The following ERCC6L2 variants were observed in gnomAD, a reference collection of about 807,000 sequenced individuals.
The protein encoded by ERCC6L2 is DNA excision repair protein ERCC-6-like 2.
Under a neutral mutation model 132.0 loss-of-function variants are expected in ERCC6L2, and 77 were observed. That is an observed-to-expected ratio of 0.58 (90% CI 0.49 to 0.71). The LOEUF is 0.71. ERCC6L2 is among the 30% of genes least tolerant of loss of function. The probability of loss-of-function intolerance (pLI) is 0.00; values close to 1 mark genes in which losing one functional copy is unlikely to be tolerated. For missense variants in ERCC6L2, 1,542 were observed against 1,837.6 expected, an observed-to-expected ratio of 0.84 and a Z score of 2.94; for synonymous variants, 583 against 632.4, an observed-to-expected ratio of 0.92 and a Z score of 1.17.
chr9:95,933,417 A>G (rs566754496), intron 11 of ERCC6L2, among the ~76,000 whole-genome samples: 70 of 152,300 alleles, frequency 4.6e-4, no homozygotes, highest in African/African-American at 1.5e-3. Flanking sequence ...TTCAGTTTCT[A>G]CTGAGCACTG....
intron 3 of ERCC6L2, among the ~76,000 whole-genome samples, chr9:95,900,227 A>T (rs1045149839): frequency 6.6e-6 from 1 of 152,206 alleles, no homozygotes; most frequent in Middle Eastern, 3.4e-3. Context: ...AGAAAATAAA[A>T]AAATAAAACA....
intron 12 of ERCC6L2, 51 bp from the exon 13 acceptor site, chr9:95,955,863 A>G (rs750698328): frequency 2.6e-6 from 3 of 1,134,274 alleles, no homozygotes; most frequent in Non-Finnish European, 3.8e-6. Context: ...TACCTCTTCA[A>G]CCCAAAGTTG....
intron 17 of ERCC6L2, among the ~76,000 whole-genome samples, chr9:95,983,613 T>C (rs2133129660): frequency 6.6e-6 from 1 of 152,324 alleles, no homozygotes; most frequent in East Asian, 1.9e-4. Flanking sequence ...CTGAAAACCA[T>C]AGTATCAATT....
intron 18 of ERCC6L2, among the ~76,000 whole-genome samples, chr9:96,005,019 G>C (rs1025356373): frequency 6.6e-6 from 1 of 152,192 alleles, no homozygotes. Context: ...AATATGCAGT[G>C]TAAAAAAAGG....
At chr9:96,018,947 C>A (rs758393559), downstream of ERCC6L2, among the ~76,000 whole-genome samples, 4 of 152,126 alleles carry the variant, frequency 2.6e-5, no homozygotes, top group Non-Finnish European at 5.9e-5. Flanking sequence ...CTACAGATAT[C>A]TTTTTCGTTA....
At chr9:96,028,164 GT>G (rs1834407969) in intron 19 of ERCC6L2, among the ~76,000 whole-genome samples, 1 of 151,666 alleles carries the variant, frequency 6.6e-6, no homozygotes, top group South Asian at 2.1e-4. Context: ...TGTTTTCAGA[GT>G]TTCCTATTTT....
intron 3 of ERCC6L2, among the ~76,000 whole-genome samples, chr9:95,900,482 C>A (rs918926163): frequency 6.6e-6 from 1 of 152,054 alleles, no homozygotes; most frequent in Non-Finnish European, 1.5e-5. Context: ...TTATCTGTGG[C>A]CCTAATTTTT....
chr9:95,931,441 A>T (rs1564236088), intron 11 of ERCC6L2, among the ~76,000 whole-genome samples: 1 of 152,132 alleles, frequency 6.6e-6, no homozygotes, highest in Non-Finnish European at 1.5e-5. Flanking sequence ...CCTGGGTTCC[A>T]TGCTGTTTTT....
intron 17 of ERCC6L2, among the ~76,000 whole-genome samples, chr9:95,987,828 G>C (rs1833153084): frequency 6.6e-6 from 1 of 152,184 alleles, no homozygotes; most frequent in African/African-American, 2.4e-5. Flanking sequence ...TTCTCCATGA[G>C]GGCCCCACCC....
At chr9:95,899,003 C>T (rs1423252603) in intron 3 of ERCC6L2, among the ~76,000 whole-genome samples, 1 of 152,102 alleles carries the variant, frequency 6.6e-6, no homozygotes, top group Admixed American at 6.6e-5. Context: ...CTGTTTTTAG[C>T]TCTGGATTCA....
intron 2 of ERCC6L2, among the ~76,000 whole-genome samples, chr9:95,893,362 GTT>G (rs1385675251): frequency 6.6e-6 from 1 of 152,012 alleles, no homozygotes; most frequent in Admixed American, 6.6e-5. Context: ...CTAATATTTT[GTT>G]TAAGAGTTTG....
At chr9:95,940,449 C>A (rs998870413) in intron 11 of ERCC6L2, among the ~76,000 whole-genome samples, 5 of 152,078 alleles carry the variant, frequency 3.3e-5, no homozygotes, top group African/African-American at 1.2e-4. Flanking sequence ...GCTAGACTTT[C>A]TTCTCACAGT....
chr9:95,896,408 A>ATTT (rs11371289), intron 2 of ERCC6L2, among the ~76,000 whole-genome samples: 1 of 136,484 alleles, frequency 7.3e-6, no homozygotes, highest in African/African-American at 2.9e-5. Context: ...TTGTTTTTTG[A>ATTT]TTTTTTTTTT....
intron 17 of ERCC6L2, among the ~76,000 whole-genome samples, chr9:95,989,913 A>G (rs945769483): frequency 6.6e-6 from 1 of 152,198 alleles, no homozygotes; most frequent in Non-Finnish European, 1.5e-5. Flanking sequence ...GTGTTGGGCA[A>G]GAAGCCGGGT....
chr9:95,976,433 A>C (rs1430673143), intron 16 of ERCC6L2, among the ~76,000 whole-genome samples: 1 of 152,060 alleles, frequency 6.6e-6, no homozygotes, highest in African/African-American at 2.4e-5. Flanking sequence ...GAAGAGCAAC[A>C]AACCTTCCCA....
At position 96,017,888 on chromosome 9, in the gene ERCC6L2, AC is replaced by A. The variant is rs1408345075; in HGVS notation, c.*4686del. On this transcript the variant is annotated 3_prime_UTR_variant, in exon 19 of 19. Coordinates refer to ENST00000653738, the MANE Select transcript of ERCC6L2 (RefSeq NM_020207.7). ...TATCGATGAATAAGCAAAATATTAC[AC>A]ACACAGGAATATTATTCAGCCTTGA... is the stretch of plus-strand genomic sequence containing the variant. Among the ~76,000 whole-genome samples the A allele has an allele frequency of 8.7e-6, 1 of 114,958 alleles. No homozygotes were observed. 75.4% of individuals were successfully genotyped at this position (114,958 alleles called of 152,430 possible).
At chr9:95,921,807 T>C (rs1829880769) in intron 7 of ERCC6L2, among the ~76,000 whole-genome samples, 1 of 152,244 alleles carries the variant, frequency 6.6e-6, no homozygotes, top group South Asian at 2.1e-4. Flanking sequence ...GTTTCACCTC[T>C]GTTTTATTAA....
Position 95,881,074 on chromosome 9 carries a change from T to C in ERCC6L2, c.252T>C (p.Phe84=). 6.2e-7 allele frequency: 1 copy of C among 1,613,638 alleles called. No individual in the cohort carries two copies. The highest frequency in any genetic ancestry group is 8.5e-7 in the Non-Finnish European group (1 of 1,179,766). The change falls in exon 2 of 19, where the codon TTT becomes TTC. Residue 84 remains phenylalanine (F), a synonymous_variant. Coordinates refer to ENST00000653738, the MANE Select transcript of ERCC6L2 (RefSeq NM_020207.7). ...FVKDCPRNLI[F]DDEDLEKPYF... is the part of the protein sequence containing the mutation. ...AAGATTGCCCTAGGAATCTTATATT[T>C]GATGATGAAGATTTAGAAAAACCTT...
chr9:96,014,249 G>C lies in ERCC6L2; in HGVS notation c.*1046G>C, dbSNP rs1460838155. On this transcript the variant is annotated 3_prime_UTR_variant, in exon 19 of 19. Transcript: ENST00000653738. The stretch of plus-strand genomic sequence containing the variant: ...CAGGTTCAGATGCACCGCTGCAGCT[G>C]TCCTTCAGTTAGTTCACAGGGCTGC... The C allele has an allele frequency of 6.6e-6, 1 of 152,226 alleles. No homozygotes were observed. Among genetic ancestry groups the C allele is most frequent in the Non-Finnish European group, 1.5e-5 (1 of 68,060 alleles). The allele number at this position is 152,226 out of a possible 1,614,324, so 9.4% of individuals were successfully genotyped here. A position where few individuals can be genotyped will look rare whatever the true frequency, so the allele number is the denominator to read the frequency against.
Sources: allele counts gnomAD v4.1 joint callset (sites outside exome capture counted in the v4.1 genomes callset), GRCh38; gene constraint gnomAD v4.1.1; transcripts MANE v1.5; gene names NCBI Gene and HGNC (gene_info 2026-07-23, HGNC 2026-07-21).